Variants in PELO observed in about 807,000 individuals in gnomAD.
PELO encodes protein pelota homolog.
In PELO, 19 loss-of-function variants were observed where a neutral mutation model predicts 25.9. The ratio of observed to expected loss-of-function variants is 0.73; its 90% confidence interval spans 0.51 to 1.08. The LOEUF is 1.08. Among genes scored for constraint, PELO ranks in the 50% least tolerant of loss-of-function variants. The pLI, the probability that PELO is intolerant of heterozygous loss-of-function variation, is 0.00. For synonymous variants in PELO, 196 were observed against 192.2 expected (o/e 1.02, Z -0.16); for missense variants, 498 against 491.4 (o/e 1.01, Z -0.13).
At position 52,800,333 on chromosome 5, in the gene PELO, C is replaced by G. The variant is rs1020838450; in HGVS notation, c.-62C>G. ...TGGCCTGCATTCCCATCCCCTCTCC[C>G]GGGGCGGAGGTGAGGACCTCCTTGG... is the stretch of plus-strand genomic sequence containing the variant. On this transcript the variant is annotated 5_prime_UTR_variant, in exon 2 of 3. Coordinates refer to ENST00000274311, the MANE Select transcript of PELO (RefSeq NM_015946.5). 2 of 1,589,160 alleles carry G rather than the reference C, an allele frequency of 1.3e-6. No individual in the cohort carries two copies. Among genetic ancestry groups the G allele is most frequent in the African/African-American group, 2.7e-5 (2 of 74,472 alleles).
chr5:52,796,453 T>C (rs1748345474), intron 1 of PELO, among the ~76,000 whole-genome samples: 1 of 151,988 alleles, frequency 6.6e-6, no homozygotes, highest in Admixed American at 6.5e-5. Flanking sequence ...AATACATAAG[T>C]ATAAAATTAG....
rs898910375 is a variant in PELO at position 52,803,883 on chromosome 5, G to A, written c.*2043G>A. ...GCAATAGGTTATTCTTCCTGTGCTG[G>A]TAAATCTCTGGCAGGGGTCCCCAGT... On this transcript the variant is annotated 3_prime_UTR_variant, in exon 3 of 3. Transcript: ENST00000274311. 6 of 152,116 alleles carry A rather than the reference G, an allele frequency of 3.9e-5. No individual in the cohort carries two copies. The East Asian group carries it at 1.2e-3, about 29-fold the overall frequency. The allele number at this position is 152,116 out of a possible 1,614,324, so 9.4% of individuals were successfully genotyped here.
In PELO at chr5:52,801,766, G is replaced by T; in HGVS notation, c.1084G>T (p.Val362Leu). 6.2e-7 allele frequency: 1 copy of T among 1,614,056 alleles called. No individual in the cohort carries two copies. Among genetic ancestry groups the T allele is most frequent in the Non-Finnish European group, 8.5e-7 (1 of 1,179,916 alleles). The change falls in exon 3 of 3, where the codon GTA becomes TTA. Residue 362 changes from valine to leucine, a missense_variant. By Grantham distance (32) the Val-to-Leu change is conservative. Coordinates refer to ENST00000274311, the MANE Select transcript of PELO (RefSeq NM_015946.5). ...SGEQLSQLTG[V>L]AAILRFPVPE... ...GGAACAGCTCAGCCAGTTGACTGGG[G>T]TAGCTGCCATTCTCCGCTTCCCTGT... is the stretch of plus-strand genomic sequence containing the variant.
Position 52,800,277 on chromosome 5 carries a change from T to C in PELO, c.-118T>C. On this transcript the variant is annotated 5_prime_UTR_variant, in exon 2 of 3. Transcript: ENST00000274311. The stretch of plus-strand genomic sequence containing the variant: ...GCGTGTTTCCTTCCCGCCAGGCAAG[T>C]GCCCTTAGAAACCGGGCCCCGCCCC... 1 of 1,038,054 alleles carries C rather than the reference T, an allele frequency of 9.6e-7. No homozygotes were observed. Among genetic ancestry groups the C allele is most frequent in the South Asian group, 1.5e-5 (1 of 67,170 alleles). The allele number at this position is 1,038,054 out of a possible 1,614,324, so 64.3% of individuals were successfully genotyped here. A position where few individuals can be genotyped will look rare whatever the true frequency, so the allele number is the denominator to read the frequency against.
Position 52,803,262 on chromosome 5 carries a change from T to C in PELO, c.*1422T>C, listed in dbSNP as rs1398948750. On this transcript the variant is annotated 3_prime_UTR_variant, in exon 3 of 3. Transcript: ENST00000274311. ...CTATACTTTAAAACTCACATATGTA[T>C]ATTTTTGTACATCTATCTCCTAATT... is the stretch of plus-strand genomic sequence containing the variant. The C allele has an allele frequency of 2.6e-5, 4 of 152,334 alleles. No homozygotes were observed. Among genetic ancestry groups the C allele is most frequent in the Middle Eastern group, 3.4e-3 (1 of 294 alleles). 9.4% of individuals were successfully genotyped at this position (152,334 alleles called of 1,614,324 possible). A position where few individuals can be genotyped will look rare whatever the true frequency, so the allele number is the denominator to read the frequency against.
chr5:52,801,815 G>A lies in PELO; in HGVS notation c.1133G>A (p.Gly378Asp), dbSNP rs1748494596. The A allele has an allele frequency of 6.2e-7, 1 of 1,610,710 alleles. No individual in the cohort carries two copies. Among genetic ancestry groups the A allele is most frequent in the Non-Finnish European group, 8.5e-7 (1 of 1,178,150 alleles). Reference sequence around the variant, plus strand: ...GTTCCCGAACTTTCTGACCAAGAGGGTGATTCCAGTTCTGAAGAGGATTAA... The same window carrying A: ...GTTCCCGAACTTTCTGACCAAGAGGATGATTCCAGTTCTGAAGAGGATTAA... ...FPVPELSDQE[G>D]DSSSEED Residue 378 changes from glycine (G) to aspartate (D), a missense_variant, in exon 3 of 3, where the codon GGT becomes GAT. By Grantham distance (94) the Gly-to-Asp change is moderately conservative. Transcript: ENST00000274311.
At chr5:52,791,091 C>A (rs898260176) in intron 1 of PELO, among the ~76,000 whole-genome samples, 21 of 152,182 alleles carry the variant, frequency 1.4e-4, no homozygotes, top group African/African-American at 5.1e-4. Context: ...ATATTAGCTC[C>A]TTACAACGTT....
intron 1 of PELO, among the ~76,000 whole-genome samples, chr5:52,789,961 A>G (rs1748206975): frequency 1.3e-5 from 2 of 152,218 alleles, no homozygotes; most frequent in Admixed American, 1.3e-4. Context: ...GAAGAGACTT[A>G]AAATATTTAG....
intron 1 of PELO, among the ~76,000 whole-genome samples, chr5:52,790,093 G>C (rs1284131067): frequency 6.6e-6 from 1 of 152,110 alleles, no homozygotes; most frequent in East Asian, 1.9e-4. Flanking sequence ...TTCAGATTTG[G>C]AAACTTCTCA....
intron 1 of PELO, among the ~76,000 whole-genome samples, chr5:52,794,493 A>G (rs1489135842): frequency 7.9e-6 from 1 of 126,006 alleles, no homozygotes; most frequent in East Asian, 2.1e-4. Context: ...ATACATGCAA[A>G]TAGAAATACA....
Position 52,801,664 on chromosome 5 carries a change from C to A in PELO, c.982C>A (p.Arg328=). ...GCATCAGGATGTAGCCACACGGAGCCGGTATGTGAGGCTGGTGGACAGTGT... is the reference window on the plus strand; with the variant it reads ...GCATCAGGATGTAGCCACACGGAGCAGGTATGTGAGGCTGGTGGACAGTGT... The part of the protein sequence containing the change: ...FRHQDVATRS[R]YVRLVDSVKE... The change falls in exon 3 of 3, where the codon CGG becomes AGG. Residue 328 remains arginine (R), a synonymous_variant. Transcript: ENST00000274311. 6.2e-7 allele frequency: 1 copy of A among 1,614,060 alleles called. No homozygotes were observed. The highest frequency in any genetic ancestry group is 8.5e-7 in the Non-Finnish European group (1 of 1,179,960).
At chr5:52,796,288 T>TA (rs932312285) in intron 1 of PELO, among the ~76,000 whole-genome samples, 1 of 151,754 alleles carries the variant, frequency 6.6e-6, no homozygotes, top group Non-Finnish European at 1.5e-5. Context: ...AGCAACAAAT[T>TA]AAAAACTTTT....
chr5:52,791,552 A>G (rs968503455), intron 1 of PELO, among the ~76,000 whole-genome samples: 24 of 152,242 alleles, frequency 1.6e-4, no homozygotes, highest in African/African-American at 5.5e-4. Context: ...AAATGGCAAG[A>G]TCCAACCTTC....
Position 52,803,140 on chromosome 5 carries a change from T to G in PELO, c.*1300T>G, listed in dbSNP as rs1335975030. ...AACTTTCGCCGGTCTTTCCTGTGTCTGTGGGCCTTCCTCCTGGTGTGACAG... is the reference window on the plus strand; with the variant it reads ...AACTTTCGCCGGTCTTTCCTGTGTCGGTGGGCCTTCCTCCTGGTGTGACAG... On this transcript the variant is annotated 3_prime_UTR_variant, in exon 3 of 3. Coordinates refer to ENST00000274311, the MANE Select transcript of PELO (RefSeq NM_015946.5). The G allele has an allele frequency of 6.6e-6, 1 of 152,226 alleles. No individual in the cohort carries two copies. Among genetic ancestry groups the G allele is most frequent in the East Asian group, 1.9e-4 (1 of 5,186 alleles). The allele number at this position is 152,226 out of a possible 1,614,324, so 9.4% of individuals were successfully genotyped here. A position where few individuals can be genotyped will look rare whatever the true frequency, so the allele number is the denominator to read the frequency against.
chr5:52,794,012 A>G (rs1484331080), intron 1 of PELO, among the ~76,000 whole-genome samples: 1 of 152,092 alleles, frequency 6.6e-6, no homozygotes, highest in Non-Finnish European at 1.5e-5. Flanking sequence ...AAAAAAGTCA[A>G]CTAAGTTTTA....
In PELO at chr5:52,788,314, C is replaced by G. The variant is rs751928489; in HGVS notation, c.-611C>G. The G allele has an allele frequency of 6.8e-7, 1 of 1,473,804 alleles. No individual in the cohort carries two copies. The highest frequency in any genetic ancestry group is 9.0e-7 in the Non-Finnish European group (1 of 1,115,338). The allele number at this position is 1,473,804 out of a possible 1,614,324, so 91.3% of individuals were successfully genotyped here. A position where few individuals can be genotyped will look rare whatever the true frequency, so the allele number is the denominator to read the frequency against. ...AGCTCCCGCGCCCGGTCCTGCCCTG[C>G]GAACCAGCGCGGCCCCCTGGCGCTG... On this transcript the variant is annotated 5_prime_UTR_variant, in exon 1 of 3. Transcript: ENST00000274311.
chr5:52,800,286 A>G lies in PELO; in HGVS notation c.-109A>G, dbSNP rs1344006410. On this transcript the variant is annotated 5_prime_UTR_variant, in exon 2 of 3. Transcript: ENST00000274311. Reference sequence around the variant, plus strand: ...CTTCCCGCCAGGCAAGTGCCCTTAGAAACCGGGCCCCGCCCCCTTCCTGGC... The same window carrying G: ...CTTCCCGCCAGGCAAGTGCCCTTAGGAACCGGGCCCCGCCCCCTTCCTGGC... 1.6e-6 allele frequency: 2 copies of G among 1,237,764 alleles called. No individual in the cohort carries two copies. The highest frequency in any genetic ancestry group is 3.0e-5 in the African/African-American group (2 of 66,820). 76.7% of individuals were successfully genotyped at this position (1,237,764 alleles called of 1,614,324 possible). A position where few individuals can be genotyped will look rare whatever the true frequency, so the allele number is the denominator to read the frequency against.
chr5:52,801,318 T>C, intron 2 of PELO, 91 bp from the exon 3 acceptor site: 1 of 1,194,474 alleles, frequency 8.4e-7, no homozygotes, highest in South Asian at 1.5e-5. Flanking sequence ...ATATGAAGCC[T>C]TACTAGCGCT....
intron 1 of PELO, among the ~76,000 whole-genome samples, chr5:52,792,737 T>C (rs1317175931): frequency 2.0e-5 from 3 of 152,162 alleles, no homozygotes; most frequent in African/African-American, 7.2e-5. Context: ...AATGCTATTC[T>C]TTACCTACAC....
Sources: allele counts gnomAD v4.1 joint callset (sites outside exome capture counted in the v4.1 genomes callset), GRCh38; gene constraint gnomAD v4.1.1; transcripts MANE v1.5; gene names NCBI Gene and HGNC (gene_info 2026-07-23, HGNC 2026-07-21).